Variants in WASHC5 observed in about 807,000 individuals in gnomAD.
The protein encoded by WASHC5 is WASH complex subunit strumpellin.
WASHC5 carries 101 observed loss-of-function variants against 150.4 expected under a neutral mutation model. The observed-to-expected ratio is 0.67, with a 90% CI of 0.57 to 0.79. The LOEUF (loss-of-function observed/expected upper bound fraction) is 0.79. Ranked by LOEUF, WASHC5 falls within the 30% of genes least tolerant of loss-of-function variation. The pLI, the probability that WASHC5 is intolerant of heterozygous loss-of-function variation, is 0.00. For missense variants in WASHC5, 1,195 were observed against 1,396.3 expected, an observed-to-expected ratio of 0.86 and a Z score of 2.30; for synonymous variants, 467 against 491.2, an observed-to-expected ratio of 0.95 and a Z score of 0.65.
chr8:125,024,913 G>C (rs923133327), intron 28 of WASHC5, among the ~76,000 whole-genome samples: 2 of 151,924 alleles, frequency 1.3e-5, no homozygotes, highest in African/African-American at 4.8e-5. Context: ...CTCCAAATCT[G>C]AGCTTCTTGG....
rs35442808 is a variant in WASHC5, at chr8:125,079,135, T to TATATATATATATACATAC, written c.519-206_519-205insGTATGTATATATATATAT. The stretch of plus-strand genomic sequence containing the variant: ...GTGTGTGTATATATATATATATATA[T>TATATATATATATACATAC]ATATACATTTTTTTTTGAGATGGAG... On this transcript the variant is annotated intron_variant, in intron 5 of 28. Coordinates refer to ENST00000318410, the MANE Select transcript of WASHC5 (RefSeq NM_014846.4). 3.4e-5 allele frequency among the ~76,000 whole-genome samples: 4 copies of TATATATATATATACATAC among 117,486 alleles called. No individual in the cohort carries two copies. The South Asian group carries it at 1.2e-3, about 35-fold the overall frequency. 77.1% of individuals were successfully genotyped at this position (117,486 alleles called of 152,430 possible).
intron 7 of WASHC5, 97 bp downstream of exon 7, chr8:125,076,251 A>G (rs993399423): frequency 9.0e-7 from 1 of 1,111,308 alleles, no homozygotes; most frequent in Non-Finnish European, 1.4e-6. Context: ...ATGTCCCATT[A>G]TTTACAACAT....
intron 1 of WASHC5, among the ~76,000 whole-genome samples, chr8:125,090,349 G>C (rs1008801079): frequency 6.6e-6 from 1 of 152,174 alleles, no homozygotes; most frequent in Non-Finnish European, 1.5e-5. Flanking sequence ...TTTACAAAGT[G>C]TTAAGACTCA....
chr8:125,032,092 C>T lies in WASHC5; in HGVS notation c.3335+149G>A, dbSNP rs958061240. ...TGGACACACCTGTAATTGCTCTAAA[C>T]AAGGAGGTATGCCCTGACTTGCTTT... On this transcript the variant is annotated intron_variant, in intron 27 of 28. Transcript: ENST00000318410. The T allele has an allele frequency of 2.1e-5, 19 of 895,500 alleles. No individual in the cohort carries two copies. In the South Asian group the frequency reaches 2.4e-4, roughly 11 times the overall value. 55.5% of individuals were successfully genotyped at this position (895,500 alleles called of 1,614,324 possible).
At chr8:125,064,991 G>C (rs1816705177) in intron 10 of WASHC5, among the ~76,000 whole-genome samples, 1 of 152,158 alleles carries the variant, frequency 6.6e-6, no homozygotes, top group South Asian at 2.1e-4. Flanking sequence ...AATGCCATTT[G>C]ATAATGGCAA....
At chr8:125,048,081 A>G (rs1462695080) in intron 19 of WASHC5, among the ~76,000 whole-genome samples, 3 of 152,208 alleles carry the variant, frequency 2.0e-5, no homozygotes, top group African/African-American at 7.2e-5. Flanking sequence ...ACCACATATA[A>G]CATTTATAAA....
At position 125,045,344 on chromosome 8, in the gene WASHC5, C is replaced by A. The variant is rs149813725; in HGVS notation, c.2505-646G>T. Among the ~76,000 whole-genome samples the A allele has an allele frequency of 1.8e-3, 278 of 152,288 alleles. 1 individual carries two copies. The highest frequency in any genetic ancestry group is 6.1e-3 in the African/African-American group (254 of 41,556). On this transcript the variant is annotated intron_variant, in intron 20 of 28. Coordinates refer to ENST00000318410, the MANE Select transcript of WASHC5 (RefSeq NM_014846.4). ...AAGACCTTTCCATGTGCTATTTCAT[C>A]CTCATAATAGCTCTGTGGAATACAA...
chr8:125,079,114 G>GTA (rs1194077815), intron 5 of WASHC5, among the ~76,000 whole-genome samples, 184 bp from the exon 6 acceptor site: 24 of 71,972 alleles, frequency 3.3e-4, no homozygotes, highest in Admixed American at 1.8e-3. Flanking sequence ...GTGTGTGTGT[G>GTA]TGTATATATA....
At chr8:125,065,580 T>C (rs1816721731) in intron 10 of WASHC5, among the ~76,000 whole-genome samples, 1 of 151,970 alleles carries the variant, frequency 6.6e-6, no homozygotes, top group Admixed American at 6.6e-5. Flanking sequence ...GGGGCTCTAG[T>C]TCATAATTCT....
intron 4 of WASHC5, 21 bp from the exon 5 acceptor site, chr8:125,081,782 A>G (rs1586388455): frequency 7.1e-7 from 1 of 1,408,972 alleles, no homozygotes; most frequent in East Asian, 2.3e-5. Flanking sequence ...AAGAGGACAA[A>G]AGCCAAAATC....
At position 125,083,169 on chromosome 8, in the gene WASHC5, C is replaced by A; in HGVS notation, c.276G>T (p.Val92=). The change falls in exon 3 of 29, where the codon GTG becomes GTT. Residue 92 remains valine, a synonymous_variant. Transcript: ENST00000318410. The part of the protein sequence containing the change: ...EEFRENNIEI[V]TRFYLAFQSV... ...TTTGAAATGCTAAATAAAATCTGGTCACAATTTCTATGTTGTTTTCACGAA... is the reference window on the plus strand; with the variant it reads ...TTTGAAATGCTAAATAAAATCTGGTAACAATTTCTATGTTGTTTTCACGAA... 1 of 1,593,070 alleles carries A rather than the reference C, an allele frequency of 6.3e-7. No homozygotes were observed. Among genetic ancestry groups the A allele is most frequent in the Non-Finnish European group, 8.6e-7 (1 of 1,161,460 alleles).
At chr8:125,047,060 G>GT in intron 20 of WASHC5, 147 bp downstream of exon 20, 1 of 942,388 alleles carries the variant, frequency 1.1e-6, no homozygotes, top group East Asian at 2.5e-5. Context: ...CAGCGCAGGG[G>GT]TTAGGGACCC....
At chr8:125,069,419 G>A (rs1816839705) in intron 9 of WASHC5, among the ~76,000 whole-genome samples, 1 of 152,204 alleles carries the variant, frequency 6.6e-6, no homozygotes, top group Non-Finnish European at 1.5e-5. Flanking sequence ...AACAGACTTT[G>A]TCAAAAAGTT....
In WASHC5 at chr8:125,032,226, G is replaced by A. The variant is rs1815561752; in HGVS notation, c.3335+15C>T. The A allele has an allele frequency of 6.2e-7, 1 of 1,613,986 alleles. No individual in the cohort carries two copies. The highest frequency in any genetic ancestry group is 8.5e-7 in the Non-Finnish European group (1 of 1,179,892). On this transcript the variant is annotated intron_variant, in intron 27 of 28. Transcript: ENST00000318410. Reference sequence around the variant, plus strand: ...TGACAAGAAGTCCCACGTAGTCCTGGTTGGTCTTCTGTACCTTGTACACTG... The same window carrying A: ...TGACAAGAAGTCCCACGTAGTCCTGATTGGTCTTCTGTACCTTGTACACTG...
chr8:125,057,713 C>T (rs1350059506), intron 14 of WASHC5, 47 bp from the exon 15 acceptor site: 1 of 1,213,318 alleles, frequency 8.2e-7, no homozygotes, highest in South Asian at 1.3e-5. Flanking sequence ...AAAAAGAGTC[C>T]TAGAAATCTT....
chr8:125,038,951 A>G lies in WASHC5; in HGVS notation c.2963T>C (p.Leu988Pro), dbSNP rs1190738964. Reference sequence around the variant, plus strand: ...CTGATAGTGGGCTTCAATGTCTGCTAGGAGAGCCCTAAAGGAAGAAAAACC... The same window carrying G: ...CTGATAGTGGGCTTCAATGTCTGCTGGGAGAGCCCTAAAGGAAGAAAAACC... ...AALENLNKAL[L>P]ADIEAHYQDP... The change falls in exon 25 of 29, where the codon CTA becomes CCA. Residue 988 changes from leucine to proline, a missense_variant. This residue lies in a region of WASHC5 where 997 missense variants were observed against 1,168.1 expected (regional missense o/e 0.85). Transcript: ENST00000318410. 1 of 1,613,728 alleles carries G rather than the reference A, an allele frequency of 6.2e-7. No homozygotes were observed. Among genetic ancestry groups the G allele is most frequent in the African/African-American group, 1.3e-5 (1 of 74,936 alleles).
intron 11 of WASHC5, among the ~76,000 whole-genome samples, chr8:125,062,501 A>G (rs1376296611): frequency 2.0e-5 from 3 of 152,250 alleles, no homozygotes; most frequent in Non-Finnish European, 4.4e-5. Flanking sequence ...GCAGGTCACA[A>G]TATGATAACC....
intron 27 of WASHC5, among the ~76,000 whole-genome samples, chr8:125,029,577 G>A (rs1384265888): frequency 1.3e-5 from 2 of 152,150 alleles, no homozygotes; most frequent in Admixed American, 6.5e-5. Context: ...CTGCATATTT[G>A]ACGGTATCAA....
Position 125,024,536 on chromosome 8 carries a change from G to T in WASHC5, c.*81C>A. 9.1e-7 allele frequency: 1 copy of T among 1,099,774 alleles called. No homozygotes were observed. The highest frequency in any genetic ancestry group is 1.4e-6 in the Non-Finnish European group (1 of 712,864). The allele number at this position is 1,099,774 out of a possible 1,614,324, so 68.1% of individuals were successfully genotyped here. A position where few individuals can be genotyped will look rare whatever the true frequency, so the allele number is the denominator to read the frequency against. Reference sequence around the variant, plus strand: ...AAAATGCAGTTGTATGAGCAACTGAGTTTCTTTTCATCTTCAAATTCATTT... The same window carrying T: ...AAAATGCAGTTGTATGAGCAACTGATTTTCTTTTCATCTTCAAATTCATTT... On this transcript the variant is annotated 3_prime_UTR_variant, in exon 29 of 29. Transcript: ENST00000318410.
Sources: allele counts gnomAD v4.1 joint callset (sites outside exome capture counted in the v4.1 genomes callset), GRCh38; gene constraint gnomAD v4.1.1; regional missense constraint gnomAD v4.1.1; transcripts MANE v1.5; gene names NCBI Gene and HGNC (gene_info 2026-07-23, HGNC 2026-07-21).